The following PRKCI variants were observed in gnomAD, a reference collection of about 807,000 sequenced individuals.
The protein encoded by PRKCI is protein kinase C iota.
Under a neutral mutation model 84.0 loss-of-function variants are expected in PRKCI, and 43 were observed. The observed-to-expected ratio is 0.51, with a 90% CI of 0.40 to 0.66. The LOEUF is 0.66. Ranked by LOEUF, PRKCI falls within the 30% of genes least tolerant of loss-of-function variation. The pLI, the probability that PRKCI is intolerant of heterozygous loss-of-function variation, is 0.00. For synonymous variants in PRKCI, 216 were observed against 234.4 expected, an observed-to-expected ratio of 0.92 and a Z score of 0.72; for missense variants, 459 against 745.6, an observed-to-expected ratio of 0.62 and a Z score of 4.48.
At position 170,225,608 on chromosome 3, in the gene PRKCI, G is replaced by A. The variant is rs1016539770; in HGVS notation, c.101+2838G>A. The stretch of plus-strand genomic sequence containing the variant: ...TTTTAAATAGAGACAAGGTCTCACC[G>A]TGTTGCCCAGGCTAATCCCAAACTC... On this transcript the variant is annotated intron_variant, in intron 1 of 17. Coordinates refer to ENST00000295797, the MANE Select transcript of PRKCI (RefSeq NM_002740.6). 4.1e-5 allele frequency among the ~76,000 whole-genome samples: 6 copies of A among 147,980 alleles called. No homozygotes were observed. The East Asian group carries it at 5.9e-4, about 15-fold the overall frequency.
chr3:170,260,836 T>A (rs1468183535), intron 3 of PRKCI, among the ~76,000 whole-genome samples: 1 of 152,242 alleles, frequency 6.6e-6, no homozygotes, highest in Non-Finnish European at 1.5e-5. Flanking sequence ...AGAAGTAACC[T>A]AAACTCAGTT....
chr3:170,239,101 G>GT (rs1424574775), intron 2 of PRKCI, among the ~76,000 whole-genome samples: 1 of 152,080 alleles, frequency 6.6e-6, no homozygotes, highest in African/African-American at 2.4e-5. Flanking sequence ...AATTAAACTA[G>GT]TTTTTCACAC....
At chr3:170,254,838 A>G (rs1349916761) in intron 2 of PRKCI, among the ~76,000 whole-genome samples, 1 of 151,806 alleles carries the variant, frequency 6.6e-6, no homozygotes, top group Non-Finnish European at 1.5e-5. Context: ...ATTTACAATG[A>G]TTTTTTTCTA....
intron 1 of PRKCI, among the ~76,000 whole-genome samples, chr3:170,228,970 G>T (rs1377488192): frequency 1.3e-5 from 2 of 151,848 alleles, no homozygotes; most frequent in East Asian, 3.9e-4. Flanking sequence ...AGAATATGTG[G>T]TATCTGGCTT....
chr3:170,247,526 T>C (rs1235657214), intron 2 of PRKCI, among the ~76,000 whole-genome samples: 5 of 149,340 alleles, frequency 3.3e-5, no homozygotes, highest in African/African-American at 1.2e-4. Flanking sequence ...AGGTCGGGAG[T>C]TCGAGACCAG....
At chr3:170,276,438 C>CT (rs1385703432) in intron 8 of PRKCI, among the ~76,000 whole-genome samples, 3 of 151,114 alleles carry the variant, frequency 2.0e-5, no homozygotes, top group African/African-American at 7.3e-5. Flanking sequence ...CTGAAAAAGT[C>CT]TTTTTTTCTT....
Position 170,228,573 on chromosome 3 carries a change from T to TCA in PRKCI, c.101+5814_101+5815dup, listed in dbSNP as rs200462626. On this transcript the variant is annotated intron_variant, in intron 1 of 17. Coordinates refer to ENST00000295797, the MANE Select transcript of PRKCI (RefSeq NM_002740.6). Reference sequence around the variant, plus strand: ...CTGGGCAACAGAGTGAGACCCTGTCTCACACACACACAGACATACACACAC... The same window carrying TCA: ...CTGGGCAACAGAGTGAGACCCTGTCTCACACACACACACAGACATACACACAC... Among the ~76,000 whole-genome samples, 1,200 of 150,956 alleles carry TCA rather than the reference T, an allele frequency of 7.9e-3. 11 individuals are homozygous for TCA. The highest frequency in any genetic ancestry group is 0.028 in the African/African-American group (1,149 of 40,972).
intron 10 of PRKCI, 179 bp downstream of exon 10, chr3:170,281,442 C>T: frequency 1.8e-6 from 1 of 561,892 alleles, no homozygotes; most frequent in Non-Finnish European, 3.1e-6. Flanking sequence ...ATTAGATCAG[C>T]ATTAGGAAAT....
At chr3:170,228,957 G>A (rs778844602) in intron 1 of PRKCI, among the ~76,000 whole-genome samples, 63 of 151,950 alleles carry the variant, frequency 4.1e-4, no homozygotes, top group Non-Finnish European at 7.5e-4. Context: ...TCACTTATAA[G>A]TGAGAATATG....
rs768597939 is a variant in PRKCI, at chr3:170,293,454, A to G, written c.1363A>G (p.Ile455Val). 2.9e-5 allele frequency: 46 copies of G among 1,613,364 alleles called. No individual in the cohort carries two copies. The highest frequency in any genetic ancestry group is 3.6e-5 in the Non-Finnish European group (43 of 1,179,544). Reference sequence around the variant, plus strand: ...GATGGCAGGAAGGTCTCCATTTGATATTGTTGGGAGCTCCGATAACCCTGA... The same window carrying G: ...GATGGCAGGAAGGTCTCCATTTGATGTTGTTGGGAGCTCCGATAACCCTGA... ...EMMAGRSPFD[I>V]VGSSDNPDQN... Residue 455 changes from isoleucine (I) to valine (V), a missense_variant, in exon 14 of 18, where the codon ATT becomes GTT. Physicochemically the swap from Ile to Val is conservative, Grantham distance 29. Around this residue, in one of 2 missense-constraint regions of PRKCI, gnomAD observed 209 missense variants for 425.9 expected, o/e 0.49. Coordinates refer to ENST00000295797, the MANE Select transcript of PRKCI (RefSeq NM_002740.6).
At chr3:170,226,741 A>G (rs1471323964) in intron 1 of PRKCI, among the ~76,000 whole-genome samples, 1 of 152,182 alleles carries the variant, frequency 6.6e-6, no homozygotes, top group Non-Finnish European at 1.5e-5. Flanking sequence ...TATTTTAGCA[A>G]TATACTTTAG....
In PRKCI at chr3:170,249,857, G is replaced by A. The variant is rs117467029; in HGVS notation, c.224-10112G>A. 2.3e-4 allele frequency among the ~76,000 whole-genome samples: 35 copies of A among 151,122 alleles called. No individual in the cohort carries two copies. The East Asian group carries it at 2.9e-3, about 13-fold the overall frequency. On this transcript the variant is annotated intron_variant, in intron 2 of 17. Coordinates refer to ENST00000295797, the MANE Select transcript of PRKCI (RefSeq NM_002740.6). ...TTGTGGCAAAATGAGATAAATTTAC[G>A]TAACTGAAAAAGGGAGTCTTTTTTT...
At chr3:170,289,855 T>C (rs1734496938) in intron 12 of PRKCI, among the ~76,000 whole-genome samples, 1 of 151,958 alleles carries the variant, frequency 6.6e-6, no homozygotes, top group Non-Finnish European at 1.5e-5. Flanking sequence ...GAGGTTGCAG[T>C]GAGCCGAGAT....
Position 170,234,414 on chromosome 3 carries a change from T to C in PRKCI, c.102-816T>C, listed in dbSNP as rs564707176. 2.0e-5 allele frequency among the ~76,000 whole-genome samples: 3 copies of C among 152,334 alleles called. No individual in the cohort carries two copies. The South Asian group carries it at 6.2e-4, about 32-fold the overall frequency. ...TAAGTGTTTTTTAGCTTTTGAAAAGTAAAATTTATGAAAAAGCCTTGTTGT... is the reference window on the plus strand; with the variant it reads ...TAAGTGTTTTTTAGCTTTTGAAAAGCAAAATTTATGAAAAAGCCTTGTTGT... On this transcript the variant is annotated intron_variant, in intron 1 of 17. Transcript: ENST00000295797.
At chr3:170,286,321 C>T (rs1734389854) in intron 12 of PRKCI, among the ~76,000 whole-genome samples, 1 of 151,998 alleles carries the variant, frequency 6.6e-6, no homozygotes, top group South Asian at 2.1e-4. Flanking sequence ...ATTTGTGGTA[C>T]CTTTTTGATC....
chr3:170,257,864 A>G (rs1577354074), intron 2 of PRKCI, among the ~76,000 whole-genome samples: 2 of 151,976 alleles, frequency 1.3e-5, no homozygotes, highest in Admixed American at 1.3e-4. Flanking sequence ...GGGTTTCACC[A>G]TGTTGGCCAG....
intron 7 of PRKCI, among the ~76,000 whole-genome samples, chr3:170,274,799 GA>G (rs1195685731): frequency 6.6e-6 from 1 of 152,038 alleles, no homozygotes; most frequent in Admixed American, 6.6e-5. Flanking sequence ...TGGTAGTTAG[GA>G]AAATTCTGAG....
chr3:170,233,367 C>T (rs1267366090), intron 1 of PRKCI, among the ~76,000 whole-genome samples: 1 of 151,826 alleles, frequency 6.6e-6, no homozygotes, highest in East Asian at 1.9e-4. Context: ...CAGCTAAAAC[C>T]ATATCTAAAT....
At chr3:170,233,236 TAAAAGCAA>T (rs1732851736) in intron 1 of PRKCI, among the ~76,000 whole-genome samples, 1 of 150,330 alleles carries the variant, frequency 6.7e-6, no homozygotes, top group Non-Finnish European at 1.5e-5. Flanking sequence ...GGTTTATTTT[TAAAAGCAA>T]TTAGTCCTAA....
Sources: gnomAD v4.1 joint callset for allele counts (sites outside exome capture counted in the v4.1 genomes callset) on GRCh38, gnomAD v4.1.1 for gene constraint, gnomAD v4.1.1 regional missense constraint, MANE v1.5 for transcripts, NCBI Gene and HGNC (gene_info 2026-07-23, HGNC 2026-07-21) for gene names.